Variants in CPLX1 observed in about 807,000 individuals in gnomAD.
The protein encoded by CPLX1 is complexin 1.
CPLX1 carries 6 observed loss-of-function variants against 15.6 expected under a neutral mutation model. The ratio of observed to expected loss-of-function variants is 0.39; its 90% CI spans 0.21 to 0.76. CPLX1 has a LOEUF of 0.76. Ranked by LOEUF, CPLX1 falls within the 30% of genes least tolerant of loss-of-function variation. The pLI is 0.43. For missense variants in CPLX1, 242 were observed against 188.6 expected, an observed-to-expected ratio of 1.28 and a Z score of -1.66; for synonymous variants, 91 against 75.2, an observed-to-expected ratio of 1.21 and a Z score of -1.08.
rs1375748998 is a variant in CPLX1, at chr4:792,691, C to A, written c.32-83G>T. On this transcript the variant is annotated intron_variant, in intron 2 of 3. Transcript: ENST00000304062. Reference sequence around the variant, plus strand: ...TGTCTCAGCCACACTCCCCCACCTTCTGGCCGACCCCCCAAACCCTCCATC... The same window carrying A: ...TGTCTCAGCCACACTCCCCCACCTTATGGCCGACCCCCCAAACCCTCCATC... 1.0e-5 allele frequency: 15 copies of A among 1,455,210 alleles called. No individual in the cohort carries two copies. The East Asian group carries it at 3.6e-4, about 35-fold the overall frequency. The allele number at this position is 1,455,210 out of a possible 1,614,324, so 90.1% of individuals were successfully genotyped here.
chr4:800,578 GTA>G (rs1553853396), intron 2 of CPLX1, among the ~76,000 whole-genome samples: 1 of 130,452 alleles, frequency 7.7e-6, no homozygotes, highest in Admixed American at 7.9e-5. Context: ...GTGTGTGTGT[GTA>G]TATATATGTA....
intron 2 of CPLX1, among the ~76,000 whole-genome samples, chr4:801,725 C>T (rs1313704318): frequency 6.6e-6 from 1 of 152,242 alleles, no homozygotes; most frequent in African/African-American, 2.4e-5. Flanking sequence ...CACCTAATGA[C>T]ACAGTCCTCA....
chr4:810,881 G>A (rs567191622), intron 2 of CPLX1, among the ~76,000 whole-genome samples: 1 of 151,968 alleles, frequency 6.6e-6, no homozygotes, highest in Admixed American at 6.6e-5. Flanking sequence ...ATTCTTAGTA[G>A]AGGCAGGTTT....
At chr4:788,078 A>G in intron 3 of CPLX1, 2 of 985,360 alleles carry the variant, frequency 2.0e-6, no homozygotes, top group Non-Finnish European at 2.4e-6. Flanking sequence ...AGGACGGAGG[A>G]GCACACCGCG....
Position 824,552 on chromosome 4 carries a change from T to G in CPLX1, c.-30A>C. The G allele has an allele frequency of 6.2e-7, 1 of 1,612,270 alleles. No individual in the cohort carries two copies. The highest frequency in any genetic ancestry group is 8.5e-7 in the Non-Finnish European group (1 of 1,179,360). ...ATTGCTCTGCTTCCACAGTGGCTCC[T>G]CCAGGGGTCAGAACTCACACGCAAG... On this transcript the variant is annotated 5_prime_UTR_variant, in exon 2 of 4. Transcript: ENST00000304062.
At position 786,349 on chromosome 4, in the gene CPLX1, G is replaced by A. The variant is rs1332266534; in HGVS notation, c.*152C>T. On this transcript the variant is annotated 3_prime_UTR_variant, in exon 4 of 4. Transcript: ENST00000304062. ...TCCTGGGGGCGCGCGCCCCTTGCCG[G>A]GTGAGGGAGGCGGCGGGCGCGGGCA... is the stretch of plus-strand genomic sequence containing the variant. 5.1e-6 allele frequency: 4 copies of A among 782,844 alleles called. No individual in the cohort carries two copies. Among genetic ancestry groups the A allele is most frequent in the Non-Finnish European group, 5.5e-6 (3 of 542,146 alleles). The allele number at this position is 782,844 out of a possible 1,614,324, so 48.5% of individuals were successfully genotyped here.
At chr4:798,690 C>T (rs1212691846) in intron 2 of CPLX1, among the ~76,000 whole-genome samples, 1 of 152,224 alleles carries the variant, frequency 6.6e-6, no homozygotes, top group African/African-American at 2.4e-5. Flanking sequence ...AGCCACTGTG[C>T]CCGGCCAGAT....
chr4:803,322 C>T (rs1251211160), intron 2 of CPLX1, among the ~76,000 whole-genome samples: 1 of 152,206 alleles, frequency 6.6e-6, no homozygotes, highest in Non-Finnish European at 1.5e-5. Flanking sequence ...AAGGCCGTTT[C>T]AGTCAACAGC....
intron 2 of CPLX1, among the ~76,000 whole-genome samples, chr4:810,047 CTTTTTTTTT>C (rs34354609): frequency 8.3e-6 from 1 of 120,328 alleles, no homozygotes; most frequent in African/African-American, 3.3e-5. Context: ...TCTGCACTTT[CTTTTTTTTT>C]TTTTTTTTTT....
At chr4:793,413 G>A (rs889324569) in intron 2 of CPLX1, among the ~76,000 whole-genome samples, 2 of 152,162 alleles carry the variant, frequency 1.3e-5, no homozygotes, top group Non-Finnish European at 2.9e-5. Flanking sequence ...TTTCTCATGA[G>A]CTGCTGATTC....
chr4:804,962 C>T lies in CPLX1; in HGVS notation c.32-12354G>A, dbSNP rs556616096. 8 of 985,000 alleles carry T rather than the reference C, an allele frequency of 8.1e-6. 1 individual carries two copies. The Admixed American group carries it at 4.9e-4, about 60-fold the overall frequency. 61.0% of individuals were successfully genotyped at this position (985,000 alleles called of 1,614,324 possible). On this transcript the variant is annotated intron_variant, in intron 2 of 3. Transcript: ENST00000304062. ...GCGGAGTTCACCCGGCGTCCCACTC[C>T]TGCGCGGCGGCCGGCTAGGGCGGGT...
At chr4:825,863 G>C (rs1016932495) in intron 1 of CPLX1, among the ~76,000 whole-genome samples, 183 bp downstream of exon 1, 8 of 134,522 alleles carry the variant, frequency 5.9e-5, no homozygotes, top group Admixed American at 1.5e-4. Context: ...GACCCGGGGA[G>C]CGGAGGCCGG....
At chr4:796,566 A>G (rs1746345553) in intron 2 of CPLX1, among the ~76,000 whole-genome samples, 1 of 152,258 alleles carries the variant, frequency 6.6e-6, no homozygotes, top group Non-Finnish European at 1.5e-5. Context: ...TACAGGCATG[A>G]GCCACTGCAC....
At chr4:800,886 G>A (rs746341148) in intron 2 of CPLX1, among the ~76,000 whole-genome samples, 29 of 151,050 alleles carry the variant, frequency 1.9e-4, no homozygotes, top group Non-Finnish European at 3.5e-4. Context: ...ACATGGTGAC[G>A]GGCACCCGTA....
chr4:805,982 A>G (rs1437093718), intron 2 of CPLX1, among the ~76,000 whole-genome samples: 1 of 152,186 alleles, frequency 6.6e-6, no homozygotes, highest in Non-Finnish European at 1.5e-5. Context: ...TTTAGTGTAG[A>G]CAGAGTTTCA....
At chr4:789,494 G>C (rs1013412998) in intron 3 of CPLX1, among the ~76,000 whole-genome samples, 1 of 152,244 alleles carries the variant, frequency 6.6e-6, no homozygotes, top group Non-Finnish European at 1.5e-5. Context: ...CCTCCTAGCC[G>C]CTGTGGGAGC....
chr4:816,399 A>C (rs981393877), intron 2 of CPLX1, among the ~76,000 whole-genome samples: 1 of 151,788 alleles, frequency 6.6e-6, no homozygotes, highest in African/African-American at 2.4e-5. Flanking sequence ...TTGTGTTTTT[A>C]GTAGAGAACA....
intron 2 of CPLX1, among the ~76,000 whole-genome samples, chr4:794,433 G>A (rs997158111): frequency 6.6e-6 from 1 of 152,236 alleles, no homozygotes; most frequent in African/African-American, 2.4e-5. Context: ...AAAGCTAAGA[G>A]GCTTGTGGTC....
Position 824,586 on chromosome 4 carries a change from G to T in CPLX1, c.-64C>A. 1 of 1,564,890 alleles carries T rather than the reference G, an allele frequency of 6.4e-7. No homozygotes were observed. Among genetic ancestry groups the T allele is most frequent in the Non-Finnish European group, 8.8e-7 (1 of 1,136,456 alleles). ...CAGAACTCACACGCAAGTATGGCCG[G>T]GAGCGAGTGTTCTTCCTGGGGGAGA... On this transcript the variant is annotated 5_prime_UTR_variant, in exon 2 of 4. Coordinates refer to ENST00000304062, the MANE Select transcript of CPLX1 (RefSeq NM_006651.4).
Sources: gnomAD v4.1 joint callset for allele counts (sites outside exome capture counted in the v4.1 genomes callset) on GRCh38, gnomAD v4.1.1 for gene constraint, MANE v1.5 for transcripts, NCBI Gene and HGNC (gene_info 2026-07-23, HGNC 2026-07-21) for gene names.